PKNOX1: variants seen among roughly 807,000 people sequenced by gnomAD.
PKNOX1 encodes homeobox protein PKNOX1.
PKNOX1 carries 15 observed loss-of-function variants against 51.9 expected under a neutral mutation model. That is an observed-to-expected ratio of 0.29 (90% CI 0.19 to 0.45). The LOEUF is 0.45. Ranked by LOEUF, PKNOX1 falls within the 20% of genes least tolerant of loss-of-function variation. The probability of loss-of-function intolerance (pLI) is 1.00; values close to 1 mark genes in which losing one functional copy is unlikely to be tolerated. For missense variants in PKNOX1, 462 were observed against 547.5 expected (o/e 0.84, Z 1.56); for synonymous variants, 219 against 211.1 (o/e 1.04, Z -0.32).
intron 1 of PKNOX1, among the ~76,000 whole-genome samples, chr21:42,988,508 A>C (rs998209028): frequency 6.6e-6 from 1 of 152,174 alleles, no homozygotes; most frequent in African/African-American, 2.4e-5. Flanking sequence ...AGTATTGTCT[A>C]TGTAAAAGTT....
chr21:43,002,865 T>C (rs549425418), intron 1 of PKNOX1, among the ~76,000 whole-genome samples: 1 of 152,274 alleles, frequency 6.6e-6, no homozygotes, highest in East Asian at 1.9e-4. Context: ...TATAGGCGCA[T>C]GCCACCATGC....
chr21:42,986,794 T>G (rs1030186108), intron 1 of PKNOX1, among the ~76,000 whole-genome samples: 1 of 152,198 alleles, frequency 6.6e-6, no homozygotes, highest in African/African-American at 2.4e-5. Flanking sequence ...CTGACTGTTG[T>G]GTTGTCTTCA....
intron 1 of PKNOX1, among the ~76,000 whole-genome samples, chr21:43,000,751 T>C (rs1168198340): frequency 1.3e-5 from 2 of 152,132 alleles, no homozygotes; most frequent in African/African-American, 4.8e-5. Flanking sequence ...AGCATGGTGG[T>C]GTGGGCCTGT....
Position 43,016,966 on chromosome 21 carries a change from C to G in PKNOX1, c.581C>G (p.Ser194Cys). Residue 194 changes from serine (S) to cysteine (C), a missense_variant, in exon 6 of 11, where the codon TCC becomes TGC. Physicochemically the swap from Ser to Cys is moderately radical, Grantham distance 112. Transcript: ENST00000291547. ...CCTCAGGGAATTGTGGTGCCGGCGT[C>G]CGCGCTGCAGCAGGGAAACGTAGCC... Reference protein sequence around the residue: ...ISPQGIVVPASALQQGNVAMA... With the variant: ...ISPQGIVVPACALQQGNVAMA... The G allele has an allele frequency of 1.2e-6, 2 of 1,613,106 alleles. No homozygotes were observed. The highest frequency in any genetic ancestry group is 1.7e-6 in the Non-Finnish European group (2 of 1,179,800).
intron 1 of PKNOX1, among the ~76,000 whole-genome samples, chr21:42,978,489 T>C (rs1339349639): frequency 6.8e-6 from 1 of 146,286 alleles, no homozygotes; most frequent in Admixed American, 6.8e-5. Flanking sequence ...TTCTTTTCTT[T>C]TTTTTTTTTT....
Position 43,030,429 on chromosome 21 carries a change from G to T in PKNOX1, c.*328G>T, listed in dbSNP as rs1217151682. 1 of 182,782 alleles carries T rather than the reference G, an allele frequency of 5.5e-6. No individual in the cohort carries two copies. Among genetic ancestry groups the T allele is most frequent in the African/African-American group, 2.4e-5 (1 of 42,488 alleles). The allele number at this position is 182,782 out of a possible 1,614,324, so 11.3% of individuals were successfully genotyped here. A position where few individuals can be genotyped will look rare whatever the true frequency, so the allele number is the denominator to read the frequency against. The stretch of plus-strand genomic sequence containing the variant: ...GAATAGCGCTGCCATTTTCTAAACC[G>T]TGATGCGGTTGTCACTTAGTTCTGT... On this transcript the variant is annotated 3_prime_UTR_variant, in exon 11 of 11. Coordinates refer to ENST00000291547, the MANE Select transcript of PKNOX1 (RefSeq NM_004571.5).
intron 1 of PKNOX1, among the ~76,000 whole-genome samples, chr21:42,985,429 G>T (rs1319948644): frequency 1.3e-5 from 2 of 152,076 alleles, no homozygotes; most frequent in African/African-American, 4.8e-5. Context: ...CCACCTCCTG[G>T]GTTCAAGTGA....
intron 7 of PKNOX1, 54 bp downstream of exon 7, chr21:43,018,284 G>T (rs1979592075): frequency 1.8e-6 from 2 of 1,118,988 alleles, no homozygotes; most frequent in South Asian, 1.2e-5. Context: ...CCACATAGGG[G>T]CACAGGTAGA....
intron 1 of PKNOX1, among the ~76,000 whole-genome samples, chr21:43,002,810 G>T (rs969738758): frequency 1.3e-5 from 2 of 152,166 alleles, no homozygotes; most frequent in Non-Finnish European, 2.9e-5. Context: ...TCTGCCTCCT[G>T]GGTTCAAGCG....
intron 1 of PKNOX1, among the ~76,000 whole-genome samples, chr21:42,976,692 A>G (rs932747536): frequency 1.3e-5 from 2 of 152,234 alleles, no homozygotes; most frequent in African/African-American, 4.8e-5. Context: ...ACTGTTCATT[A>G]TTTCCACCAC....
intron 4 of PKNOX1, among the ~76,000 whole-genome samples, chr21:43,012,546 A>C (rs1979301599): frequency 6.6e-6 from 1 of 152,242 alleles, no homozygotes; most frequent in African/African-American, 2.4e-5. Context: ...CAGCTTGGGC[A>C]ATAAGAGTGA....
chr21:42,988,830 C>G (rs973269725), intron 1 of PKNOX1, among the ~76,000 whole-genome samples: 3 of 152,142 alleles, frequency 2.0e-5, no homozygotes, highest in African/African-American at 7.2e-5. Flanking sequence ...GGTCTACAGG[C>G]TGGGGACCCT....
intron 1 of PKNOX1, among the ~76,000 whole-genome samples, chr21:42,997,513 A>G (rs2839615): frequency 0.035 from 5,347 of 152,334 alleles, 133 homozygotes; most frequent in Middle Eastern, 0.061. Context: ...AAAATGTATA[A>G]TGTCAGTGAT....
At position 43,018,296 on chromosome 21, in the gene PKNOX1, C is replaced by T. The variant is rs1228854274; in HGVS notation, c.720+66C>T. 4 of 952,674 alleles carry T rather than the reference C, an allele frequency of 4.2e-6. No homozygotes were observed. The African/African-American group carries it at 6.4e-5, about 15-fold the overall frequency. 59.0% of individuals were successfully genotyped at this position (952,674 alleles called of 1,614,324 possible). A position where few individuals can be genotyped will look rare whatever the true frequency, so the allele number is the denominator to read the frequency against. On this transcript the variant is annotated intron_variant, in intron 7 of 10. Transcript: ENST00000291547. ...TGCCCACATAGGGGCACAGGTAGAACAAGCATGAGCCCTTCCCTCTGCCTG... is the reference window on the plus strand; with the variant it reads ...TGCCCACATAGGGGCACAGGTAGAATAAGCATGAGCCCTTCCCTCTGCCTG...
rs934874639 is a variant in PKNOX1, at chr21:43,031,067, C to T, written c.*966C>T. On this transcript the variant is annotated 3_prime_UTR_variant, in exon 11 of 11. Coordinates refer to ENST00000291547, the MANE Select transcript of PKNOX1 (RefSeq NM_004571.5). ...GGTAGCCAGTGACCCGTTAGGAGCT[C>T]TCACCGTACATACTCCAGTCTAATT... is the stretch of plus-strand genomic sequence containing the variant. 3.9e-5 allele frequency: 6 copies of T among 152,642 alleles called. No individual in the cohort carries two copies. Among genetic ancestry groups the T allele is most frequent in the Non-Finnish European group, 8.8e-5 (6 of 68,040 alleles). The allele number at this position is 152,642 out of a possible 1,614,324, so 9.5% of individuals were successfully genotyped here.
At chr21:43,024,190 C>T (rs1339389707) in intron 8 of PKNOX1, among the ~76,000 whole-genome samples, 2 of 152,192 alleles carry the variant, frequency 1.3e-5, no homozygotes, top group Non-Finnish European at 2.9e-5. Context: ...TCGATGGCAT[C>T]AGCTTATCCC....
intron 1 of PKNOX1, among the ~76,000 whole-genome samples, chr21:42,984,073 CGTGTGTGTGCGTGT>C (rs1284006869): frequency 5.2e-5 from 2 of 38,344 alleles, no homozygotes; most frequent in African/African-American, 1.1e-4. Flanking sequence ...TACGTGTGTG[CGTGTGTGTGCGTGT>C]GTGTGTGTGT....
intron 5 of PKNOX1, among the ~76,000 whole-genome samples, chr21:43,014,847 G>T (rs1448935676): frequency 1.3e-5 from 2 of 152,184 alleles, no homozygotes; most frequent in African/African-American, 2.4e-5. Context: ...TAGCTGTTCT[G>T]GTTCCTTTGC....
intron 9 of PKNOX1, among the ~76,000 whole-genome samples, chr21:43,028,289 AGACT>A (rs1028149170): frequency 6.6e-6 from 1 of 152,218 alleles, no homozygotes; most frequent in African/African-American, 2.4e-5. Flanking sequence ...AGACGAGTGC[AGACT>A]GCCCGATCGT....
Sources: gnomAD v4.1 joint callset for allele counts (sites outside exome capture counted in the v4.1 genomes callset) on GRCh38, gnomAD v4.1.1 for gene constraint, MANE v1.5 for transcripts, NCBI Gene and HGNC (gene_info 2026-07-23, HGNC 2026-07-21) for gene names.